Variants in ID1 observed in about 807,000 individuals in gnomAD.
The protein encoded by ID1 is DNA-binding protein inhibitor ID-1.
Under a neutral mutation model 11.3 loss-of-function variants are expected in ID1, and 8 were observed. The ratio of observed to expected loss-of-function variants is 0.71; its 90% CI spans 0.42 to 1.28. The LOEUF is 1.28. ID1 is among the 50% of genes most tolerant of loss of function. ID1 has a pLI of 0.01. For missense variants in ID1, 347 were observed against 219.8 expected (o/e 1.58, Z -3.66); for synonymous variants, 176 against 100.2 (o/e 1.76, Z -4.52).
chr20:31,606,368 A>G lies in ID1; in HGVS notation c.*274A>G, dbSNP rs1986113767. 1 of 548,086 alleles carries G rather than the reference A, an allele frequency of 1.8e-6. No individual in the cohort carries two copies. The highest frequency in any genetic ancestry group is 3.1e-5 in the East Asian group (1 of 32,720). The allele number at this position is 548,086 out of a possible 1,614,324, so 34.0% of individuals were successfully genotyped here. A position where few individuals can be genotyped will look rare whatever the true frequency, so the allele number is the denominator to read the frequency against. On this transcript the variant is annotated 3_prime_UTR_variant, in exon 2 of 2. Transcript: ENST00000376112. ...ATTTTTTGAAAAGCAGACATTTTAA[A>G]AAATGGTCACGTTTGGTGCTTCTCA... is the stretch of plus-strand genomic sequence containing the variant.
rs1419391521 is a variant in ID1 at position 31,605,359 on chromosome 20, C to A, written c.-29C>A. ...TCCACCTCATTTTTTTCGCTTTGCCCATTCTGTTTCAGCCAGTCGCCAAGA... is the reference window on the plus strand; with the variant it reads ...TCCACCTCATTTTTTTCGCTTTGCCAATTCTGTTTCAGCCAGTCGCCAAGA... On this transcript the variant is annotated 5_prime_UTR_variant, in exon 1 of 2. Coordinates refer to ENST00000376112, the MANE Select transcript of ID1 (RefSeq NM_002165.4). The A allele has an allele frequency of 4.4e-6, 7 of 1,579,060 alleles. No homozygotes were observed. The highest frequency in any genetic ancestry group is 6.0e-6 in the Non-Finnish European group (7 of 1,169,532).
rs6060264 is a variant in ID1, at chr20:31,605,477, G to A, written c.90G>A (p.Glu30=). ...GCAAGACAGCGAGCGGTGCGGGCGAGGTGGTGCGCTGTCTGTCTGAGCAGA... is the reference window on the plus strand; with the variant it reads ...GCAAGACAGCGAGCGGTGCGGGCGAAGTGGTGCGCTGTCTGTCTGAGCAGA... ...KAGKTASGAG[E]VVRCLSEQSV... The change falls in exon 1 of 2, where the codon GAG becomes GAA. Residue 30 remains glutamate, a synonymous_variant. Transcript: ENST00000376112. The A allele has an allele frequency of 8.7e-6, 14 of 1,607,528 alleles. No individual in the cohort carries two copies. The highest frequency in any genetic ancestry group is 1.2e-5 in the Non-Finnish European group (14 of 1,176,886).
Position 31,605,603 on chromosome 20 carries a change from T to C in ID1, c.216T>C (p.Cys72=). ...TGCTGCTCTACGACATGAACGGCTG[T>C]TACTCACGCCTCAAGGAGCTGGTGC... is the stretch of plus-strand genomic sequence containing the variant. The part of the protein sequence containing the change: ...VNVLLYDMNG[C]YSRLKELVPT... Residue 72 remains cysteine, a synonymous_variant, in exon 1 of 2, where the codon TGT becomes TGC. Coordinates refer to ENST00000376112, the MANE Select transcript of ID1 (RefSeq NM_002165.4). 3 of 1,573,834 alleles carry C rather than the reference T, an allele frequency of 1.9e-6. No individual in the cohort carries two copies. The highest frequency in any genetic ancestry group is 2.6e-6 in the Non-Finnish European group (3 of 1,160,248).
In ID1 at chr20:31,606,043, G is replaced by T; in HGVS notation, c.427-10G>T. The T allele has an allele frequency of 6.2e-7, 1 of 1,612,290 alleles. No individual in the cohort carries two copies. Among genetic ancestry groups the T allele is most frequent in the South Asian group, 1.1e-5 (1 of 91,082 alleles). Reference sequence around the variant, plus strand: ...CAACCCGCCGGTCTCATTTCTTCTCGTTTTCACAGGCGGCATGCGTTCCTG... The same window carrying T: ...CAACCCGCCGGTCTCATTTCTTCTCTTTTTCACAGGCGGCATGCGTTCCTG... On this transcript the variant is annotated splice_polypyrimidine_tract_variant and intron_variant, in intron 1 of 1. Coordinates refer to ENST00000376112, the MANE Select transcript of ID1 (RefSeq NM_002165.4).
intron 1 of ID1, 90 bp downstream of exon 1, chr20:31,605,903 C>T (rs1288310685): frequency 1.0e-5 from 16 of 1,582,716 alleles, no homozygotes; most frequent in Non-Finnish European, 3.4e-6. Context: ...CACTTCCGTC[C>T]CATCCTTGCG....
Position 31,606,037 on chromosome 20 carries a change from C to A in ID1, c.427-16C>A. 1.2e-6 allele frequency: 2 copies of A among 1,612,044 alleles called. No individual in the cohort carries two copies. The highest frequency in any genetic ancestry group is 1.3e-5 in the African/African-American group (1 of 74,384). Reference sequence around the variant, plus strand: ...CCCTTCCAACCCGCCGGTCTCATTTCTTCTCGTTTTCACAGGCGGCATGCG... The same window carrying A: ...CCCTTCCAACCCGCCGGTCTCATTTATTCTCGTTTTCACAGGCGGCATGCG... On this transcript the variant is annotated splice_polypyrimidine_tract_variant and intron_variant, in intron 1 of 1. Transcript: ENST00000376112.
chr20:31,605,807 G>T lies in ID1; in HGVS notation c.420G>T (p.Thr140=). Residue 140 remains threonine (T), a synonymous_variant, in exon 1 of 2, where the codon ACG becomes ACT. Coordinates refer to ENST00000376112, the MANE Select transcript of ID1 (RefSeq NM_002165.4). ...TCAACGGCGAGATCAGCGCCCTGAC[G>T]GCCGAGGTGAGATCCAGATCCGACC... ...STLNGEISAL[T]AEAACVPADD... is the part of the protein sequence containing the mutation. 4 of 1,611,508 alleles carry T rather than the reference G, an allele frequency of 2.5e-6. No individual in the cohort carries two copies. The highest frequency in any genetic ancestry group is 3.4e-6 in the Non-Finnish European group (4 of 1,178,954).
At position 31,606,298 on chromosome 20, in the gene ID1, A is replaced by G; in HGVS notation, c.*204A>G. On this transcript the variant is annotated 3_prime_UTR_variant, in exon 2 of 2. Transcript: ENST00000376112. ...GGGCGCTCCTCTCTGCACACCTACT[A>G]GTCACCAGAGACTTTAGGGGGTGGG... is the stretch of plus-strand genomic sequence containing the variant. 1 of 601,478 alleles carries G rather than the reference A, an allele frequency of 1.7e-6. No individual in the cohort carries two copies. The highest frequency in any genetic ancestry group is 2.1e-5 in the South Asian group (1 of 47,742). The allele number at this position is 601,478 out of a possible 1,614,324, so 37.3% of individuals were successfully genotyped here.
chr20:31,606,143 G>A lies in ID1; in HGVS notation c.*49G>A, dbSNP rs531514924. 42 of 1,572,056 alleles carry A rather than the reference G, an allele frequency of 2.7e-5. No homozygotes were observed. In the African/African-American group the frequency reaches 3.6e-4, roughly 14 times the overall value. On this transcript the variant is annotated 3_prime_UTR_variant, in exon 2 of 2. Transcript: ENST00000376112. Reference sequence around the variant, plus strand: ...GACCCCAGCCATCCAGGGGGCAAGAGGAATTACGTGCTCTGTGGGTCTCCC... The same window carrying A: ...GACCCCAGCCATCCAGGGGGCAAGAAGAATTACGTGCTCTGTGGGTCTCCC...
At position 31,605,705 on chromosome 20, in the gene ID1, G is replaced by A. The variant is rs1169390221; in HGVS notation, c.318G>A (p.Gln106=). The A allele has an allele frequency of 6.2e-7, 1 of 1,611,806 alleles. No homozygotes were observed. Among genetic ancestry groups the A allele is most frequent in the East Asian group, 2.2e-5 (1 of 44,714 alleles). The change falls in exon 1 of 2, where the codon CAG becomes CAA. Residue 106 remains glutamine (Q), a synonymous_variant. Transcript: ENST00000376112. The stretch of plus-strand genomic sequence containing the variant: ...TCATCGACTACATCAGGGACCTTCA[G>A]TTGGAGCTGAACTCGGAATCCGAAG... ...QHVIDYIRDL[Q]LELNSESEVG...
Position 31,606,235 on chromosome 20 carries a change from T to A in ID1, c.*141T>A. ...GGCGGCCACTGCGCCCTTAACTGCA[T>A]CCAGCCTGGGGCTGAGGCTGAGGCA... is the stretch of plus-strand genomic sequence containing the variant. On this transcript the variant is annotated 3_prime_UTR_variant, in exon 2 of 2. Transcript: ENST00000376112. The A allele has an allele frequency of 5.8e-6, 5 of 865,778 alleles. No individual in the cohort carries two copies. The highest frequency in any genetic ancestry group is 5.6e-6 in the Non-Finnish European group (3 of 534,038). The allele number at this position is 865,778 out of a possible 1,614,324, so 53.6% of individuals were successfully genotyped here.
chr20:31,606,251 G>A lies in ID1; in HGVS notation c.*157G>A, dbSNP rs1986107196. ...TTAACTGCATCCAGCCTGGGGCTGA[G>A]GCTGAGGCACTGGCGAGGAGAGGGC... On this transcript the variant is annotated 3_prime_UTR_variant, in exon 2 of 2. Coordinates refer to ENST00000376112, the MANE Select transcript of ID1 (RefSeq NM_002165.4). 2 of 748,864 alleles carry A rather than the reference G, an allele frequency of 2.7e-6. No homozygotes were observed. Among genetic ancestry groups the A allele is most frequent in the Non-Finnish European group, 4.5e-6 (2 of 440,392 alleles). 46.4% of individuals were successfully genotyped at this position (748,864 alleles called of 1,614,324 possible). A position where few individuals can be genotyped will look rare whatever the true frequency, so the allele number is the denominator to read the frequency against.
chr20:31,605,545 T>G lies in ID1; in HGVS notation c.158T>G (p.Leu53Arg). ...TGCGCCGGGGGCGCCGGGGCGCGCC[T>G]GCCTGCCCTGCTGGACGAGCAGCAG... The part of the protein sequence containing the change: ...SRCAGGAGAR[L>R]PALLDEQQVN... Residue 53 changes from leucine (L) to arginine (R), a missense_variant, in exon 1 of 2, where the codon CTG (leucine) becomes CGG (arginine). Coordinates refer to ENST00000376112, the MANE Select transcript of ID1 (RefSeq NM_002165.4). 1.9e-6 allele frequency: 3 copies of G among 1,558,030 alleles called. No individual in the cohort carries two copies. The highest frequency in any genetic ancestry group is 1.9e-5 in the Admixed American group (1 of 51,680).
chr20:31,605,407 GCACCGC>G lies in ID1; in HGVS notation c.28_33del (p.Thr10_Ala11del), dbSNP rs765227819. 4 of 1,599,530 alleles carry G rather than the reference GCACCGC, an allele frequency of 2.5e-6. No individual in the cohort carries two copies. Among genetic ancestry groups the G allele is most frequent in the African/African-American group, 1.4e-5 (1 of 71,436 alleles). ...AGAATCATGAAAGTCGCCAGTGGCAGCACCGCCACCGCCGCCGCGGGCCCCAGCTGC... is the reference window on the plus strand; with the variant it reads ...AGAATCATGAAAGTCGCCAGTGGCAGCACCGCCGCCGCGGGCCCCAGCTGC... On this transcript the variant is annotated inframe_deletion, in exon 1 of 2. Coordinates refer to ENST00000376112, the MANE Select transcript of ID1 (RefSeq NM_002165.4).
Position 31,605,350 on chromosome 20 carries a change from C to T in ID1, c.-38C>T, listed in dbSNP as rs745389339. On this transcript the variant is annotated 5_prime_UTR_variant, in exon 1 of 2. Transcript: ENST00000376112. ...CTTCGGGCTTCCACCTCATTTTTTT[C>T]GCTTTGCCCATTCTGTTTCAGCCAG... 24 of 1,556,308 alleles carry T rather than the reference C, an allele frequency of 1.5e-5. No individual in the cohort carries two copies. Among genetic ancestry groups the T allele is most frequent in the Non-Finnish European group, 2.1e-5 (24 of 1,156,116 alleles).
In ID1 at chr20:31,606,144, G is replaced by A. The variant is rs374966633; in HGVS notation, c.*50G>A. The A allele has an allele frequency of 5.4e-5, 85 of 1,572,542 alleles. No homozygotes were observed. Among genetic ancestry groups the A allele is most frequent in the East Asian group, 9.0e-5 (4 of 44,664 alleles). Reference sequence around the variant, plus strand: ...ACCCCAGCCATCCAGGGGGCAAGAGGAATTACGTGCTCTGTGGGTCTCCCC... The same window carrying A: ...ACCCCAGCCATCCAGGGGGCAAGAGAAATTACGTGCTCTGTGGGTCTCCCC... On this transcript the variant is annotated 3_prime_UTR_variant, in exon 2 of 2. Coordinates refer to ENST00000376112, the MANE Select transcript of ID1 (RefSeq NM_002165.4).
At position 31,605,326 on chromosome 20, in the gene ID1, T is replaced by C; in HGVS notation, c.-62T>C. 2 of 1,471,416 alleles carry C rather than the reference T, an allele frequency of 1.4e-6. No homozygotes were observed. Among genetic ancestry groups the C allele is most frequent in the Non-Finnish European group, 9.2e-7 (1 of 1,087,860 alleles). 91.1% of individuals were successfully genotyped at this position (1,471,416 alleles called of 1,614,324 possible). ...TAACTGTTCCATTTTCCGTATCTGCTTCGGGCTTCCACCTCATTTTTTTCG... is the reference window on the plus strand; with the variant it reads ...TAACTGTTCCATTTTCCGTATCTGCCTCGGGCTTCCACCTCATTTTTTTCG... On this transcript the variant is annotated 5_prime_UTR_variant, in exon 1 of 2. Transcript: ENST00000376112.
At position 31,606,089 on chromosome 20, in the gene ID1, C is replaced by G. The variant is rs1370030067; in HGVS notation, c.463C>G (p.Arg155Gly). The stretch of plus-strand genomic sequence containing the variant: ...TCCTGCGGACGATCGCATCTTGTGT[C>G]GCTGAAGCGCCTCCCCCAGGGACCG... The part of the protein sequence containing the change: ...CVPADDRILC[R>G] Residue 155 changes from arginine (R) to glycine (G), a missense_variant, in exon 2 of 2, where the codon CGC (arginine) becomes GGC (glycine). By Grantham distance (125) the Arg-to-Gly change is moderately radical. Coordinates refer to ENST00000376112, the MANE Select transcript of ID1 (RefSeq NM_002165.4). The G allele has an allele frequency of 1.9e-6, 3 of 1,608,816 alleles. No individual in the cohort carries two copies. The highest frequency in any genetic ancestry group is 2.2e-5 in the South Asian group (2 of 91,066).
Position 31,605,711 on chromosome 20 carries a change from G to T in ID1, c.324G>T (p.Glu108Asp). Reference sequence around the variant, plus strand: ...ACTACATCAGGGACCTTCAGTTGGAGCTGAACTCGGAATCCGAAGTTGGAA... The same window carrying T: ...ACTACATCAGGGACCTTCAGTTGGATCTGAACTCGGAATCCGAAGTTGGAA... ...VIDYIRDLQL[E>D]LNSESEVGTP... Residue 108 changes from glutamate to aspartate, a missense_variant, in exon 1 of 2, where the codon GAG (glutamate) becomes GAT (aspartate). By Grantham distance (45) the Glu-to-Asp change is conservative. Transcript: ENST00000376112. The T allele has an allele frequency of 2.5e-6, 4 of 1,611,492 alleles. No homozygotes were observed. Among genetic ancestry groups the T allele is most frequent in the Non-Finnish European group, 3.4e-6 (4 of 1,178,820 alleles).
Sources: gnomAD v4.1 joint callset for allele counts on GRCh38, gnomAD v4.1.1 for gene constraint, MANE v1.5 for transcripts, NCBI Gene and HGNC (gene_info 2026-07-23, HGNC 2026-07-21) for gene names.